LRRC31: variants seen among roughly 807,000 people sequenced by gnomAD.
LRRC31 encodes leucine rich repeat containing 31, also known as leucine-rich repeat-containing protein 31.
LRRC31 carries 35 observed loss-of-function variants against 46.7 expected under a neutral mutation model. The observed-to-expected ratio is 0.75, with a 90% CI of 0.57 to 0.99. The LOEUF is 0.99. Among genes scored for constraint, LRRC31 ranks in the 50% least tolerant of loss-of-function variants. The probability of loss-of-function intolerance (pLI) is 0.00; values close to 1 mark genes in which losing one functional copy is unlikely to be tolerated. For synonymous variants in LRRC31, 236 were observed against 235.1 expected (o/e 1.00, Z -0.03); for missense variants, 613 against 626.1 (o/e 0.98, Z 0.22).
intron 7 of LRRC31, 106 bp downstream of exon 7, chr3:169,851,513 T>C: frequency 9.1e-7 from 1 of 1,103,484 alleles, no homozygotes; most frequent in Non-Finnish European, 1.3e-6. Flanking sequence ...AGAAGACAAA[T>C]TAGTACTTCG....
rs11332275 is a variant in LRRC31, at chr3:169,859,017, AGG to A, written c.487+1542_487+1543del. ...ATGAAACGCCATCTCAAAAAAAAAAAGGGGGGGGGTGGGGGATGGGCACTAGG... is the reference window on the plus strand; with the variant it reads ...ATGAAACGCCATCTCAAAAAAAAAAAGGGGGGGTGGGGGATGGGCACTAGG... On this transcript the variant is annotated intron_variant, in intron 3 of 8. Transcript: ENST00000316428. Among the ~76,000 whole-genome samples the A allele has an allele frequency of 5.2e-4, 35 of 66,856 alleles. 1 individual carries two copies. Among genetic ancestry groups the A allele is most frequent in the East Asian group, 4.0e-3 (10 of 2,504 alleles). The allele number at this position is 66,856 out of a possible 152,430, so 43.9% of individuals were successfully genotyped here. A position where few individuals can be genotyped will look rare whatever the true frequency, so the allele number is the denominator to read the frequency against.
Position 169,839,867 on chromosome 3 carries a change from T to C in LRRC31, c.*115A>G. ...ATATATATTTACAAAGCTCTTGTAA[T>C]ATAAGTCCCATTAAATGGCCCAGAA... On this transcript the variant is annotated 3_prime_UTR_variant, in exon 9 of 9. Transcript: ENST00000316428. 1.7e-6 allele frequency: 1 copy of C among 576,724 alleles called. No homozygotes were observed. The highest frequency in any genetic ancestry group is 3.0e-6 in the Non-Finnish European group (1 of 329,270). The allele number at this position is 576,724 out of a possible 1,614,324, so 35.7% of individuals were successfully genotyped here. A position where few individuals can be genotyped will look rare whatever the true frequency, so the allele number is the denominator to read the frequency against.
chr3:169,859,407 G>A (rs1017939926), intron 3 of LRRC31, among the ~76,000 whole-genome samples: 7 of 152,300 alleles, frequency 4.6e-5, no homozygotes, highest in African/African-American at 1.4e-4. Flanking sequence ...GCCGGGGGAC[G>A]TCAGCTGCCC....
At chr3:169,843,600 G>A (rs905136367) in intron 8 of LRRC31, among the ~76,000 whole-genome samples, 3 of 152,188 alleles carry the variant, frequency 2.0e-5, no homozygotes, top group African/African-American at 7.2e-5. Context: ...GAACAAAACT[G>A]CACTGGTGCC....
Position 169,857,318 on chromosome 3 carries a change from C to CTATATA in LRRC31, c.488-452_488-447dup, listed in dbSNP as rs34162537. On this transcript the variant is annotated intron_variant, in intron 3 of 8. Coordinates refer to ENST00000316428, the MANE Select transcript of LRRC31 (RefSeq NM_024727.4). ...CTCCAATGTCAAGAATATCACATGC[C>CTATATA]TATATATATATATATATATATATAT... Among the ~76,000 whole-genome samples, 492 of 66,164 alleles carry CTATATA rather than the reference C, an allele frequency of 7.4e-3. 3 individuals are homozygous for CTATATA. The highest frequency in any genetic ancestry group is 0.019 in the East Asian group (25 of 1,314). The allele number at this position is 66,164 out of a possible 152,430, so 43.4% of individuals were successfully genotyped here.
At chr3:169,845,142 C>T (rs1423748405) in intron 8 of LRRC31, among the ~76,000 whole-genome samples, 1 of 151,804 alleles carries the variant, frequency 6.6e-6, no homozygotes, top group African/African-American at 2.4e-5. Flanking sequence ...TATAAGAGAA[C>T]AAAAATTAAA....
At chr3:169,864,742 T>G (rs1781277760) in intron 1 of LRRC31, among the ~76,000 whole-genome samples, 1 of 152,216 alleles carries the variant, frequency 6.6e-6, no homozygotes, top group South Asian at 2.1e-4. Context: ...ATGAGACCCC[T>G]GGACATCTCC....
Position 169,869,858 on chromosome 3 carries a change from T to C in LRRC31, c.-51A>G. On this transcript the variant is annotated 5_prime_UTR_variant, in exon 1 of 9. Coordinates refer to ENST00000316428, the MANE Select transcript of LRRC31 (RefSeq NM_024727.4). ...AATAAGACATCTTCCTGTTGCTTTC[T>C]GTTTTCTAGGATTTCTAAGAAGAAA... 2.0e-6 allele frequency: 3 copies of C among 1,474,786 alleles called. No homozygotes were observed. Among genetic ancestry groups the C allele is most frequent in the Non-Finnish European group, 2.7e-6 (3 of 1,096,118 alleles). 91.4% of individuals were successfully genotyped at this position (1,474,786 alleles called of 1,614,324 possible).
intron 3 of LRRC31, 53 bp downstream of exon 3, chr3:169,860,508 G>A (rs1781117556): frequency 2.5e-6 from 4 of 1,591,082 alleles, no homozygotes; most frequent in Non-Finnish European, 3.4e-6. Context: ...GATTACAGCT[G>A]TGAGCCACGG....
chr3:169,851,596 C>T, intron 7 of LRRC31, 23 bp downstream of exon 7: 1 of 1,605,302 alleles, frequency 6.2e-7, no homozygotes. Flanking sequence ...ATGGTTCCTG[C>T]AGGGATCTGG....
At chr3:169,858,527 G>A (rs941469680) in intron 3 of LRRC31, among the ~76,000 whole-genome samples, 1 of 152,180 alleles carries the variant, frequency 6.6e-6, no homozygotes, top group African/African-American at 2.4e-5. Context: ...ATGACAGAAT[G>A]GAGAAAGAAG....
intron 1 of LRRC31, among the ~76,000 whole-genome samples, chr3:169,863,592 C>T (rs1411701971): frequency 2.6e-5 from 4 of 152,228 alleles, no homozygotes; most frequent in Non-Finnish European, 4.4e-5. Context: ...GGTGTTACCA[C>T]ATTTCACCAG....
chr3:169,839,912 C>G lies in LRRC31; in HGVS notation c.*70G>C. ...CCAGAAGTTGAAATTCAGTTCATGACTCTGGAATTCGTTCATGTTCTTTTC... is the reference window on the plus strand; with the variant it reads ...CCAGAAGTTGAAATTCAGTTCATGAGTCTGGAATTCGTTCATGTTCTTTTC... On this transcript the variant is annotated 3_prime_UTR_variant, in exon 9 of 9. Coordinates refer to ENST00000316428, the MANE Select transcript of LRRC31 (RefSeq NM_024727.4). The G allele has an allele frequency of 7.9e-7, 1 of 1,264,222 alleles. No homozygotes were observed. Among genetic ancestry groups the G allele is most frequent in the Non-Finnish European group, 1.1e-6 (1 of 904,640 alleles). 78.3% of individuals were successfully genotyped at this position (1,264,222 alleles called of 1,614,324 possible).
chr3:169,840,308 C>G lies in LRRC31; in HGVS notation c.1333G>C (p.Val445Leu). ...VTEDVALLAS[V>L]IQTGHLAKLQ... ...TTGGCCAGATGACCCGTCTGTATGACCGATGCTGGAAAACAGAATCACTCT... is the reference window on the plus strand; with the variant it reads ...TTGGCCAGATGACCCGTCTGTATGAGCGATGCTGGAAAACAGAATCACTCT... Residue 445 changes from valine to leucine, a missense_variant, in exon 9 of 9, where the codon GTC becomes CTC. Coordinates refer to ENST00000316428, the MANE Select transcript of LRRC31 (RefSeq NM_024727.4). 6.2e-7 allele frequency: 1 copy of G among 1,614,080 alleles called. No homozygotes were observed. Among genetic ancestry groups the G allele is most frequent in the Non-Finnish European group, 8.5e-7 (1 of 1,180,008 alleles).
chr3:169,854,882 TG>T lies in LRRC31; in HGVS notation c.921del (p.Met308CysfsTer2). 1 of 1,613,914 alleles carries T rather than the reference TG, an allele frequency of 6.2e-7. No individual in the cohort carries two copies. On this transcript the variant is annotated frameshift_variant, in exon 6 of 9. Transcript: ENST00000316428. LOFTEE classifies it high-confidence loss of function. ...TCTAGGACTTGTAGATGCTTTAGCA[TG>T]ACCAACTGAGCCGGCGAGTCTTCAA... ...GGFEDSPAQL[V>X]MLKHLQVLDL... is the part of the protein sequence containing the mutation.
intron 6 of LRRC31, among the ~76,000 whole-genome samples, chr3:169,852,353 A>G (rs938137919): frequency 1.4e-5 from 2 of 143,974 alleles, no homozygotes; most frequent in Non-Finnish European, 3.0e-5. Flanking sequence ...CAGTGAGCCG[A>G]GATTGCGCCA....
chr3:169,869,658 T>C lies in LRRC31; in HGVS notation c.150A>G (p.Ile50Met). The C allele has an allele frequency of 6.2e-7, 1 of 1,609,478 alleles. No individual in the cohort carries two copies. The highest frequency in any genetic ancestry group is 8.5e-7 in the Non-Finnish European group (1 of 1,178,448). ...KTSDSQPSDW[I>M]QKTATSETAK... ...CAGTCTCTGAGGTGGCTGTCTTCTG[T>C]ATCCAGTCGCTGGGTTGGGAATCAC... Residue 50 changes from isoleucine to methionine, a missense_variant, in exon 1 of 9, where the codon ATA (isoleucine) becomes ATG (methionine). Physicochemically the swap from Ile to Met is conservative, Grantham distance 10. Transcript: ENST00000316428.
intron 7 of LRRC31, among the ~76,000 whole-genome samples, chr3:169,848,913 T>A (rs1396919109): frequency 6.6e-6 from 1 of 152,250 alleles, no homozygotes; most frequent in Non-Finnish European, 1.5e-5. Flanking sequence ...ATTTCCAGAA[T>A]GTGTCCTGGT....
At chr3:169,859,038 C>A (rs1781061504) in intron 3 of LRRC31, among the ~76,000 whole-genome samples, 1 of 133,064 alleles carries the variant, frequency 7.5e-6, no homozygotes, top group South Asian at 2.4e-4. Flanking sequence ...GGGGGATGGG[C>A]ACTAGGATTT....
Sources: gnomAD v4.1 joint callset for allele counts (sites outside exome capture counted in the v4.1 genomes callset) on GRCh38, gnomAD v4.1.1 for gene constraint, MANE v1.5 for transcripts, NCBI Gene and HGNC (gene_info 2026-07-23, HGNC 2026-07-21) for gene names.